Variants in NCAM2 observed in about 807,000 individuals in gnomAD.
NCAM2 encodes neural cell adhesion molecule 2.
Under a neutral mutation model 98.1 loss-of-function variants are expected in NCAM2, and 30 were observed. The observed-to-expected ratio is 0.31, with a 90% CI of 0.23 to 0.41. NCAM2 has a LOEUF of 0.41. NCAM2 is among the 10% of genes least tolerant of loss of function. The pLI is 1.00. For synonymous variants in NCAM2, 368 were observed against 342.4 expected (o/e 1.07, Z -0.83); for missense variants, 867 against 1,005.8 (o/e 0.86, Z 1.87).
At chr21:21,233,681 C>T (rs1363574486) in intron 1 of NCAM2, among the ~76,000 whole-genome samples, 1 of 151,676 alleles carries the variant, frequency 6.6e-6, no homozygotes, top group African/African-American at 2.4e-5. Context: ...GCATCACCCA[C>T]TATAGATACA....
At chr21:21,412,582 T>C (rs2076909328) in intron 10 of NCAM2, among the ~76,000 whole-genome samples, 1 of 152,190 alleles carries the variant, frequency 6.6e-6, no homozygotes, top group African/African-American at 2.4e-5. Context: ...ATATAGTGTA[T>C]GCTATTTAAA....
At chr21:21,437,716 C>T (rs1464960522) in intron 12 of NCAM2, among the ~76,000 whole-genome samples, 3 of 152,032 alleles carry the variant, frequency 2.0e-5, no homozygotes, top group Non-Finnish European at 2.9e-5. Context: ...GGCTGCTCCT[C>T]TAGCTCCTGG....
At chr21:21,375,541 C>T (rs1037954196) in intron 9 of NCAM2, among the ~76,000 whole-genome samples, 11 of 151,714 alleles carry the variant, frequency 7.3e-5, no homozygotes, top group Non-Finnish European at 1.5e-4. Context: ...CAATAACTTA[C>T]TTAACCTTTT....
intron 1 of NCAM2, among the ~76,000 whole-genome samples, chr21:21,051,310 C>T (rs192119783): frequency 6.6e-6 from 1 of 152,242 alleles, no homozygotes; most frequent in Non-Finnish European, 1.5e-5. Flanking sequence ...AGTTTGACTT[C>T]TCCTTCCCAA....
intron 1 of NCAM2, among the ~76,000 whole-genome samples, chr21:21,259,816 C>T: frequency 6.6e-6 from 1 of 151,772 alleles, no homozygotes; most frequent in Non-Finnish European, 1.5e-5. Context: ...CCTGAAAGCA[C>T]CCAGCAATGA....
chr21:21,134,710 C>CT (rs3071995), intron 1 of NCAM2, among the ~76,000 whole-genome samples: 18 of 134,352 alleles, frequency 1.3e-4, no homozygotes, highest in East Asian at 4.3e-4. Context: ...ATATTGCAGC[C>CT]TTTTTTTTTT....
At chr21:21,135,801 AT>A (rs1175549209) in intron 1 of NCAM2, among the ~76,000 whole-genome samples, 1 of 151,950 alleles carries the variant, frequency 6.6e-6, no homozygotes, top group Non-Finnish European at 1.5e-5. Context: ...AAGTATATAC[AT>A]TTTTCTTCCA....
intron 1 of NCAM2, among the ~76,000 whole-genome samples, chr21:21,129,599 G>T (rs1390850854): frequency 6.6e-6 from 1 of 152,084 alleles, no homozygotes; most frequent in Non-Finnish European, 1.5e-5. Flanking sequence ...TTCAGCGTCT[G>T]GTGAGGGCTG....
intron 5 of NCAM2, among the ~76,000 whole-genome samples, chr21:21,297,395 G>T (rs949696834): frequency 6.6e-6 from 1 of 151,534 alleles, no homozygotes; most frequent in Non-Finnish European, 1.5e-5. Context: ...GGATCTTCAG[G>T]TAAGCTCTCC....
intron 8 of NCAM2, among the ~76,000 whole-genome samples, chr21:21,356,288 T>C (rs953149000): frequency 2.6e-5 from 4 of 152,162 alleles, no homozygotes; most frequent in African/African-American, 7.2e-5. Flanking sequence ...TTCTTTATTA[T>C]ATACTTACAA....
intron 12 of NCAM2, among the ~76,000 whole-genome samples, chr21:21,449,371 T>TAA (rs910108031): frequency 7.0e-6 from 1 of 143,356 alleles, no homozygotes; most frequent in African/African-American, 2.5e-5. Flanking sequence ...CCCAGAAACT[T>TAA]AAAAAAAAAA....
chr21:21,414,173 A>G (rs369547685), intron 10 of NCAM2, among the ~76,000 whole-genome samples: 3 of 152,236 alleles, frequency 2.0e-5, no homozygotes, highest in African/African-American at 7.2e-5. Flanking sequence ...CAATTCATTC[A>G]CTTCTTCAGG....
intron 1 of NCAM2, among the ~76,000 whole-genome samples, chr21:21,073,308 T>C (rs2065611729): frequency 1.3e-5 from 2 of 152,160 alleles, no homozygotes; most frequent in Non-Finnish European, 2.9e-5. Context: ...AAACACTAAT[T>C]GTTAAGATTT....
chr21:21,208,136 T>A (rs987607610), intron 1 of NCAM2, among the ~76,000 whole-genome samples: 4 of 152,174 alleles, frequency 2.6e-5, no homozygotes, highest in Non-Finnish European at 5.9e-5. Context: ...TGAAGTTAAT[T>A]ACAATCAGTT....
intron 1 of NCAM2, among the ~76,000 whole-genome samples, chr21:21,003,981 T>A (rs1182761192): frequency 6.6e-6 from 1 of 152,116 alleles, no homozygotes; most frequent in Non-Finnish European, 1.5e-5. Context: ...GTATCATGAA[T>A]CCTTTCTATG....
chr21:21,195,284 G>T (rs1368023318), intron 1 of NCAM2, among the ~76,000 whole-genome samples: 2 of 152,080 alleles, frequency 1.3e-5, no homozygotes, highest in African/African-American at 4.8e-5. Flanking sequence ...ATGGAATAAA[G>T]GGGAAAAATC....
At chr21:21,365,181 A>G (rs80245053) in intron 8 of NCAM2, among the ~76,000 whole-genome samples, 1,930 of 151,812 alleles carry the variant, frequency 0.013, 43 homozygotes, top group African/African-American at 0.045. Flanking sequence ...ACAGAGAAAT[A>G]CCTCCGGAGA....
chr21:21,537,885 A>C lies in NCAM2; in HGVS notation c.2442A>C (p.Leu814=). 2 of 1,579,270 alleles carry C rather than the reference A, an allele frequency of 1.3e-6. No homozygotes were observed. Among genetic ancestry groups the C allele is most frequent in the East Asian group, 4.5e-5 (2 of 44,026 alleles). The change falls in exon 18 of 18, where the codon CTA becomes CTC. Residue 814 remains leucine (L), a synonymous_variant. Transcript: ENST00000400546. ...PLKEEDGKEA[L]NPETIEIKVS... ...AGGAAGAAGATGGGAAAGAAGCTCT[A>C]AATCCAGAAACTATAGAAATTAAAG...
In NCAM2 at chr21:21,177,746, C is replaced by G. The variant is rs535067307; in HGVS notation, c.56-102832C>G. 5.9e-5 allele frequency among the ~76,000 whole-genome samples: 9 copies of G among 151,364 alleles called. No individual in the cohort carries two copies. In the South Asian group the frequency reaches 8.4e-4, roughly 14 times the overall value. On this transcript the variant is annotated intron_variant, in intron 1 of 17. Coordinates refer to ENST00000400546, the MANE Select transcript of NCAM2 (RefSeq NM_004540.5). ...TCTTTTTTCCCTCCCTCTCTCCCTC[C>G]TTTCCCTTCCCCTCTCTTCTCATCC...
Sources: allele counts gnomAD v4.1 joint callset (sites outside exome capture counted in the v4.1 genomes callset), GRCh38; gene constraint gnomAD v4.1.1; transcripts MANE v1.5; gene names NCBI Gene and HGNC (gene_info 2026-07-23, HGNC 2026-07-21).